Variants in RSRC1 observed in about 807,000 individuals in gnomAD.
RSRC1 encodes serine/Arginine-related protein 53.
In RSRC1, 39 loss-of-function variants were observed where a neutral mutation model predicts 49.1. The ratio of observed to expected loss-of-function variants is 0.79; its 90% CI spans 0.61 to 1.04. RSRC1 has a LOEUF of 1.04. RSRC1 is among the 50% of genes least tolerant of loss of function. The pLI, the probability that RSRC1 is intolerant of heterozygous loss-of-function variation, is 0.00. For missense variants in RSRC1, 388 were observed against 402.4 expected (o/e 0.96, Z 0.31); for synonymous variants, 143 against 130.8 (o/e 1.09, Z -0.63).
chr3:158,504,373 T>A (rs1739756992), intron 7 of RSRC1, among the ~76,000 whole-genome samples: 1 of 152,234 alleles, frequency 6.6e-6, no homozygotes, highest in African/African-American at 2.4e-5. Context: ...AGGTCGGAGC[T>A]GCAGTCTAGT....
At chr3:158,386,165 T>TA (rs1048059562) in intron 6 of RSRC1, among the ~76,000 whole-genome samples, 1 of 152,008 alleles carries the variant, frequency 6.6e-6, no homozygotes, top group Non-Finnish European at 1.5e-5. Context: ...GTATATGCTT[T>TA]AAAAAAAGGC....
intron 6 of RSRC1, among the ~76,000 whole-genome samples, chr3:158,458,663 T>G (rs954416607): frequency 1.3e-5 from 2 of 152,130 alleles, no homozygotes; most frequent in African/African-American, 4.8e-5. Context: ...ATGAAGTGCT[T>G]AATAGTAGAT....
intron 6 of RSRC1, among the ~76,000 whole-genome samples, chr3:158,358,153 C>G (rs1199611191): frequency 2.6e-5 from 4 of 152,050 alleles, no homozygotes; most frequent in Non-Finnish European, 5.9e-5. Context: ...ATTATTATAT[C>G]AAACATAAAT....
At chr3:158,226,664 A>G (rs1722547653) in intron 4 of RSRC1, among the ~76,000 whole-genome samples, 1 of 151,810 alleles carries the variant, frequency 6.6e-6, no homozygotes, top group South Asian at 2.1e-4. Context: ...CTTTCTTACA[A>G]ATGTTAGGGG....
intron 3 of RSRC1, among the ~76,000 whole-genome samples, chr3:158,138,321 A>G (rs1716533061): frequency 6.6e-6 from 1 of 152,170 alleles, no homozygotes. Flanking sequence ...GCACTTCTTT[A>G]TGCAATATTT....
intron 4 of RSRC1, among the ~76,000 whole-genome samples, chr3:158,250,883 G>A (rs1724172256): frequency 6.6e-6 from 1 of 152,156 alleles, no homozygotes; most frequent in South Asian, 2.1e-4. Context: ...GGCTGTGCTT[G>A]TGGGGTATTA....
intron 5 of RSRC1, among the ~76,000 whole-genome samples, chr3:158,322,002 C>T (rs1430090157): frequency 6.7e-6 from 1 of 149,162 alleles, no homozygotes; most frequent in Non-Finnish European, 1.5e-5. Flanking sequence ...CACACACACA[C>T]ACACAGTCTT....
rs751381414 is a variant in RSRC1, at chr3:158,461,012, A to T, written c.652+9A>T. ...GAGAAGAAAGGAGGAAGGTAAAGGC[A>T]TGTGTTCATTTTTCTCTGAGAAATC... On this transcript the variant is annotated intron_variant, in intron 7 of 9. Coordinates refer to ENST00000611884, the MANE Select transcript of RSRC1 (RefSeq NM_001271838.2). 3 of 1,589,004 alleles carry T rather than the reference A, an allele frequency of 1.9e-6. No homozygotes were observed. Among genetic ancestry groups the T allele is most frequent in the Non-Finnish European group, 2.6e-6 (3 of 1,163,074 alleles).
intron 3 of RSRC1, among the ~76,000 whole-genome samples, chr3:158,145,831 T>C (rs1320617185): frequency 1.3e-5 from 2 of 152,232 alleles, no homozygotes; most frequent in African/African-American, 4.8e-5. Context: ...GTAGCTCTCC[T>C]TGAAGAGGTC....
chr3:158,285,726 T>G (rs1380558284), intron 4 of RSRC1, among the ~76,000 whole-genome samples: 2 of 152,246 alleles, frequency 1.3e-5, no homozygotes, highest in Non-Finnish European at 2.9e-5. Context: ...TGCTTGTGAT[T>G]TTTGTACATT....
chr3:158,328,486 C>G (rs1017327641), intron 5 of RSRC1, among the ~76,000 whole-genome samples: 1 of 152,118 alleles, frequency 6.6e-6, no homozygotes, highest in Non-Finnish European at 1.5e-5. Flanking sequence ...TTCTCCTTCA[C>G]TTATGAAGCT....
intron 1 of RSRC1, among the ~76,000 whole-genome samples, chr3:158,119,122 G>A (rs1715071658): frequency 6.6e-6 from 1 of 152,144 alleles, no homozygotes; most frequent in African/African-American, 2.4e-5. Context: ...ACCTGGCTGG[G>A]TAGAATGGAG....
chr3:158,147,955 T>C (rs928634301), intron 3 of RSRC1, among the ~76,000 whole-genome samples: 2 of 152,234 alleles, frequency 1.3e-5, no homozygotes, highest in Non-Finnish European at 2.9e-5. Context: ...GTTATAGTTG[T>C]GTCCAATAAC....
At chr3:158,111,960 C>G (rs893648565) in intron 1 of RSRC1, among the ~76,000 whole-genome samples, 1 of 152,202 alleles carries the variant, frequency 6.6e-6, no homozygotes, top group Admixed American at 6.5e-5. Context: ...GGCACGTGAA[C>G]TTTACATTAA....
chr3:158,416,222 C>G (rs1219649421), intron 6 of RSRC1, among the ~76,000 whole-genome samples: 1 of 151,188 alleles, frequency 6.6e-6, no homozygotes, highest in Non-Finnish European at 1.5e-5. Flanking sequence ...TTGTGCCTTT[C>G]TCAACCATTT....
intron 4 of RSRC1, among the ~76,000 whole-genome samples, chr3:158,206,934 C>T (rs921092998): frequency 1.3e-5 from 2 of 152,000 alleles, no homozygotes; most frequent in African/African-American, 2.4e-5. Context: ...AGATAAGCAT[C>T]TAACATTTTA....
chr3:158,196,910 T>G (rs2108271139), intron 3 of RSRC1, among the ~76,000 whole-genome samples: 1 of 152,292 alleles, frequency 6.6e-6, no homozygotes, highest in South Asian at 2.1e-4. Context: ...TGCCAGTATT[T>G]TATTGAGGAT....
chr3:158,506,795 C>A (rs966024536), intron 7 of RSRC1, among the ~76,000 whole-genome samples: 2 of 150,760 alleles, frequency 1.3e-5, no homozygotes, highest in Admixed American at 6.6e-5. Flanking sequence ...GTAGAACTAC[C>A]ATATGATCCA....
chr3:158,458,223 A>G (rs576426250), intron 6 of RSRC1, among the ~76,000 whole-genome samples: 32 of 152,298 alleles, frequency 2.1e-4, no homozygotes, highest in African/African-American at 7.0e-4. Flanking sequence ...GGAGCAATAT[A>G]AAAACATCCA....
Sources: gnomAD v4.1 joint callset for allele counts (sites outside exome capture counted in the v4.1 genomes callset) on GRCh38, gnomAD v4.1.1 for gene constraint, MANE v1.5 for transcripts, NCBI Gene and HGNC (gene_info 2026-07-23, HGNC 2026-07-21) for gene names.